Variants in MSTO1 observed in about 807,000 individuals in gnomAD.
The protein encoded by MSTO1 is protein misato homolog 1.
A neutral mutation model predicts 55.7 loss-of-function variants in MSTO1; 24 were observed. The ratio of observed to expected loss-of-function variants is 0.43; its 90% CI spans 0.31 to 0.61. The LOEUF (loss-of-function observed/expected upper bound fraction) is 0.61. Among genes scored for constraint, MSTO1 ranks in the 20% least tolerant of loss-of-function variants. The pLI is 0.09. For missense variants in MSTO1, 363 were observed against 625.7 expected (o/e 0.58, Z 4.48); for synonymous variants, 162 against 252.8 (o/e 0.64, Z 3.41).
chr1:155,578,829 T>G, the MSTO1 span, among the ~76,000 whole-genome samples: 142 of 138,204 alleles, frequency 1.0e-3, no homozygotes, highest in African/African-American at 3.6e-3. Flanking sequence ...TTTTTTTTTG[T>G]TTTTTTTTTT....
the MSTO1 span, chr1:155,590,558 C>A: frequency 4.3e-4 from 442 of 1,018,950 alleles, 5 homozygotes; most frequent in East Asian, 9.2e-3. Flanking sequence ...ACTGCCACTT[C>A]TGGATGGCTC....
the MSTO1 span, among the ~76,000 whole-genome samples, chr1:155,574,254 A>G: frequency 6.6e-6 from 1 of 152,166 alleles, no homozygotes; most frequent in Non-Finnish European, 1.5e-5. Context: ...GCTACTTGAG[A>G]GGCTGAAGTC....
chr1:155,566,682 C>T, the MSTO1 span, among the ~76,000 whole-genome samples: 1 of 151,814 alleles, frequency 6.6e-6, no homozygotes, highest in Non-Finnish European at 1.5e-5. Context: ...ATGGCGTGAT[C>T]TCGGCTTACT....
At chr1:155,563,345 G>C in the MSTO1 span, 3 of 455,978 alleles carry the variant, frequency 6.6e-6, no homozygotes, top group Non-Finnish European at 1.3e-5. Flanking sequence ...GGAATGGACC[G>C]ACACGGGTAT....
upstream of MSTO1, chr1:155,610,010 G>T (rs1307260591): frequency 2.0e-5 from 11 of 545,406 alleles, no homozygotes; most frequent in Middle Eastern, 4.9e-4. Flanking sequence ...CGTGGAGCAG[G>T]AGCAACGGCG....
In MSTO1 at chr1:155,611,777, C is replaced by A; in HGVS notation, c.510C>A (p.Val170=). The A allele has an allele frequency of 1.5e-6, 1 of 667,802 alleles. No homozygotes were observed. The highest frequency in any genetic ancestry group is 2.5e-6 in the Non-Finnish European group (1 of 405,780). 41.4% of individuals were successfully genotyped at this position (667,802 alleles called of 1,614,324 possible). Reference sequence around the variant, plus strand: ...GGGTCTGGTCAGACTTCCTCAGAGTCCATCTCCATCCCCGGAGCATCTGTA... The same window carrying A: ...GGGTCTGGTCAGACTTCCTCAGAGTACATCTCCATCCCCGGAGCATCTGTA... ...SIRVWSDFLR[V]HLHPRSICMI... Residue 170 remains valine (V), a synonymous_variant, in exon 6 of 14, where the codon GTC becomes GTA. Transcript: ENST00000245564.
upstream of MSTO1, among the ~76,000 whole-genome samples, chr1:155,605,397 G>A (rs1354260755): frequency 6.6e-6 from 1 of 152,180 alleles, no homozygotes. Context: ...CTCTGAATTT[G>A]TAGATGAAAT....
the MSTO1 span, chr1:155,590,984 C>A: frequency 1.2e-6 from 2 of 1,613,924 alleles, no homozygotes; most frequent in Non-Finnish European, 1.7e-6. Context: ...ACCAGCAAGC[C>A]GAACAGGGCC....
chr1:155,579,617 A>G, the MSTO1 span, among the ~76,000 whole-genome samples: 1 of 152,200 alleles, frequency 6.6e-6, no homozygotes, highest in Non-Finnish European at 1.5e-5. Context: ...TAATCTATCC[A>G]TACTTATTTT....
chr1:155,602,602 G>A, the MSTO1 span, among the ~76,000 whole-genome samples: 1 of 152,108 alleles, frequency 6.6e-6, no homozygotes, highest in South Asian at 2.1e-4. Flanking sequence ...TTGTGCCCTG[G>A]GTACCAACAG....
chr1:155,588,408 G>A, the MSTO1 span, among the ~76,000 whole-genome samples: 1 of 151,948 alleles, frequency 6.6e-6, no homozygotes, highest in Non-Finnish European at 1.5e-5. Flanking sequence ...GTTATTATTT[G>A]TTGGGTATTA....
At chr1:155,588,364 C>T in the MSTO1 span, among the ~76,000 whole-genome samples, 9 of 152,026 alleles carry the variant, frequency 5.9e-5, no homozygotes, top group African/African-American at 2.2e-4. Context: ...GGCAGGTACT[C>T]AGAATTCTAA....
chr1:155,563,674 T>C, the MSTO1 span: 1 of 411,486 alleles, frequency 2.4e-6, no homozygotes, highest in Non-Finnish European at 4.9e-6. Context: ...AGTTCTGGAC[T>C]TAGTCTCCCT....
In MSTO1 at chr1:155,612,474, G is replaced by C; in HGVS notation, c.870G>C (p.Leu290=). 6.2e-7 allele frequency: 1 copy of C among 1,614,044 alleles called. No individual in the cohort carries two copies. The highest frequency in any genetic ancestry group is 1.7e-5 in the Admixed American group (1 of 60,004). ...ACACAGCTTTTGGTCTCGTGCACCT[G>C]ACTGCTCACAGCTCTCTTGTCTGCC... ...LLNTAFGLVH[L]TAHSSLVCPL... is the part of the protein sequence containing the mutation. The change falls in exon 9 of 14, where the codon CTG becomes CTC. Residue 290 remains leucine, a synonymous_variant. Coordinates refer to ENST00000245564, the MANE Select transcript of MSTO1 (RefSeq NM_018116.4).
rs780505940 is a variant in MSTO1 at position 155,612,427 on chromosome 1, A to C, written c.823A>C (p.Arg275=). ...PGPYHRGEAQ[R]NIYRLLNTAF... Reference sequence around the variant, plus strand: ...ACTCTTTCTTCACCAGGAGGCCCAGAGAAACATCTATCGTCTATTAAACAC... The same window carrying C: ...ACTCTTTCTTCACCAGGAGGCCCAGCGAAACATCTATCGTCTATTAAACAC... Residue 275 remains arginine, a synonymous_variant, in exon 9 of 14, where the codon AGA becomes CGA. Transcript: ENST00000245564. The C allele has an allele frequency of 6.2e-7, 1 of 1,611,936 alleles. No individual in the cohort carries two copies. The highest frequency in any genetic ancestry group is 1.1e-5 in the South Asian group (1 of 91,004).
upstream of MSTO1, chr1:155,610,151 A>C (rs937739344): frequency 2.9e-5 from 33 of 1,132,648 alleles, no homozygotes; most frequent in African/African-American, 4.6e-5. Context: ...GCCAATAAGT[A>C]GCCGAGAATA....
At chr1:155,588,986 A>G in the MSTO1 span, among the ~76,000 whole-genome samples, 3 of 152,190 alleles carry the variant, frequency 2.0e-5, no homozygotes, top group African/African-American at 7.2e-5. Context: ...TCAACTGATC[A>G]TATTACAAGG....
upstream of MSTO1, among the ~76,000 whole-genome samples, chr1:155,607,746 T>C (rs1333291227): frequency 2.6e-5 from 4 of 152,352 alleles, no homozygotes; most frequent in East Asian, 7.7e-4. Context: ...CTCACGCCTG[T>C]AATCCCAATA....
chr1:155,574,788 G>T, the MSTO1 span, among the ~76,000 whole-genome samples: 2 of 151,422 alleles, frequency 1.3e-5, no homozygotes, highest in African/African-American at 4.9e-5. Flanking sequence ...GGCTGGTCTC[G>T]AACTCCTGGT....
Sources: gnomAD v4.1 joint callset for allele counts (sites outside exome capture counted in the v4.1 genomes callset) on GRCh38, gnomAD v4.1.1 for gene constraint, MANE v1.5 for transcripts, NCBI Gene and HGNC (gene_info 2026-07-23, HGNC 2026-07-21) for gene names.